PLXDC1: variants seen among roughly 807,000 people sequenced by gnomAD.
PLXDC1 encodes plexin domain-containing protein 1.
Under a neutral mutation model 61.3 loss-of-function variants are expected in PLXDC1, and 39 were observed. The observed-to-expected ratio is 0.64, with a 90% CI of 0.49 to 0.83. PLXDC1 has a LOEUF of 0.83. Ranked by LOEUF, PLXDC1 falls within the 40% of genes least tolerant of loss-of-function variation. PLXDC1 has a pLI of 0.00. For synonymous variants in PLXDC1, 212 were observed against 254.5 expected (o/e 0.83, Z 1.59); for missense variants, 596 against 666.5 (o/e 0.89, Z 1.17).
chr17:39,066,786 G>A lies in PLXDC1; in HGVS notation c.*1054C>T, dbSNP rs1252057681. 1.3e-5 allele frequency: 2 copies of A among 152,130 alleles called. No homozygotes were observed. The highest frequency in any genetic ancestry group is 2.4e-5 in the African/African-American group (1 of 41,416). 9.4% of individuals were successfully genotyped at this position (152,130 alleles called of 1,614,324 possible). A position where few individuals can be genotyped will look rare whatever the true frequency, so the allele number is the denominator to read the frequency against. ...TTTTTAGTAGAGACATTTTAATTAT[G>A]TTGGCCAGGCTGGTCTCAAACTTCT... On this transcript the variant is annotated 3_prime_UTR_variant, in exon 14 of 14. Transcript: ENST00000315392.
intron 2 of PLXDC1, among the ~76,000 whole-genome samples, chr17:39,135,835 T>C (rs1370383139): frequency 6.6e-6 from 1 of 152,142 alleles, no homozygotes; most frequent in Admixed American, 6.5e-5. Flanking sequence ...AACCAGTCCA[T>C]CCAGGGTGGA....
chr17:39,108,852 G>T (rs1910690558), intron 4 of PLXDC1, 52 bp downstream of exon 4: 5 of 1,285,236 alleles, frequency 3.9e-6, no homozygotes, highest in Admixed American at 1.8e-5. Flanking sequence ...GGGCCCCTGA[G>T]TTCGGGCTGA....
At chr17:39,129,400 C>T (rs980524496) in intron 2 of PLXDC1, among the ~76,000 whole-genome samples, 2 of 150,548 alleles carry the variant, frequency 1.3e-5, no homozygotes, top group East Asian at 2.0e-4. Flanking sequence ...GGGTGGATCA[C>T]GAGGTCAGGA....
At chr17:39,114,934 C>T (rs777296412) in intron 2 of PLXDC1, among the ~76,000 whole-genome samples, 3 of 152,340 alleles carry the variant, frequency 2.0e-5, no homozygotes, top group East Asian at 3.9e-4. Flanking sequence ...ACAGAAGCCA[C>T]GCTCTGCAGT....
rs577374713 is a variant in PLXDC1, at chr17:39,083,712, C to T, written c.908-172G>A. Among the ~76,000 whole-genome samples, 453 of 152,104 alleles carry T rather than the reference C, an allele frequency of 3.0e-3. 1 individual carries two copies. Among genetic ancestry groups the T allele is most frequent in the African/African-American group, 0.01 (433 of 41,404 alleles). On this transcript the variant is annotated intron_variant, in intron 8 of 13. Coordinates refer to ENST00000315392, the MANE Select transcript of PLXDC1 (RefSeq NM_020405.5). ...CCAGTCTAGCCCCAATTCCTAACTT[C>T]TTTTTTTAAGGGATGAGGTCTCGCT... is the stretch of plus-strand genomic sequence containing the variant.
intron 7 of PLXDC1, among the ~76,000 whole-genome samples, chr17:39,105,633 C>T (rs1054242457): frequency 6.6e-5 from 10 of 152,178 alleles, no homozygotes; most frequent in Non-Finnish European, 1.5e-4. Context: ...CCTTAACAAC[C>T]AGAGCAGTGC....
intron 2 of PLXDC1, among the ~76,000 whole-genome samples, chr17:39,129,446 GTC>G (rs1911461878): frequency 1.3e-5 from 2 of 151,242 alleles, no homozygotes; most frequent in Non-Finnish European, 2.9e-5. Flanking sequence ...GTGAAACACC[GTC>G]TCTCCTAAAA....
In PLXDC1 at chr17:39,151,094, G is replaced by A. The variant is rs1597664665; in HGVS notation, c.76+268C>T. 6.6e-6 allele frequency among the ~76,000 whole-genome samples: 1 copy of A among 152,146 alleles called. No individual in the cohort carries two copies. Among genetic ancestry groups the A allele is most frequent in the Non-Finnish European group, 1.5e-5 (1 of 68,032 alleles). ...CTTTCAGAGCCCATGGCCACATAGAGCCCCCTCTCCTAAGGTCCCTCCAGT... is the reference window on the plus strand; with the variant it reads ...CTTTCAGAGCCCATGGCCACATAGAACCCCCTCTCCTAAGGTCCCTCCAGT... On this transcript the variant is annotated intron_variant, in intron 1 of 13. Transcript: ENST00000315392. This position sits in a 1 kb window ranked among gnomAD's most constrained non-coding sequence, Gnocchi z 5.2.
chr17:39,142,452 C>A (rs981947807), intron 1 of PLXDC1, among the ~76,000 whole-genome samples: 1 of 152,228 alleles, frequency 6.6e-6, no homozygotes, highest in African/African-American at 2.4e-5. Flanking sequence ...GCCATGCGAA[C>A]CTCCATTTCT....
rs763297783 is a variant in PLXDC1 at position 39,107,507 on chromosome 17, T to C, written c.611A>G (p.Gln204Arg). ...YFDNGTVFVV[Q>R]WDHVYLQGWE... ...GCCTTGGAGATAAACGTGGTCCCAC[T>C]GAACCACAAAGACTGTCCCTGGGGA... The change falls in exon 6 of 14, where the codon CAG (glutamine) becomes CGG (arginine). Residue 204 changes from glutamine to arginine, a missense_variant. Coordinates refer to ENST00000315392, the MANE Select transcript of PLXDC1 (RefSeq NM_020405.5). The C allele has an allele frequency of 7.4e-6, 12 of 1,612,982 alleles. No homozygotes were observed. The highest frequency in any genetic ancestry group is 9.3e-6 in the Non-Finnish European group (11 of 1,179,064).
At chr17:39,108,730 G>T in intron 4 of PLXDC1, 174 bp downstream of exon 4, 1 of 620,596 alleles carries the variant, frequency 1.6e-6, no homozygotes, top group Non-Finnish European at 2.9e-6. Context: ...TAATGCAAGG[G>T]AGATGCTCTG....
chr17:39,131,370 A>G (rs745821151), intron 2 of PLXDC1, among the ~76,000 whole-genome samples: 11 of 144,078 alleles, frequency 7.6e-5, no homozygotes, highest in Non-Finnish European at 1.1e-4. Context: ...TTTTTTTTTT[A>G]GGCGACAGAA....
At chr17:39,109,001 G>A (rs200596560) in intron 3 of PLXDC1, 28 bp from the exon 4 acceptor site, 68 of 1,565,438 alleles carry the variant, frequency 4.3e-5, no homozygotes, top group Non-Finnish European at 5.7e-5. Flanking sequence ...AAGTCAGCAC[G>A]GGCCAAGCTG....
intron 8 of PLXDC1, among the ~76,000 whole-genome samples, chr17:39,086,035 A>G (rs1231073785): frequency 6.6e-6 from 1 of 152,014 alleles, no homozygotes; most frequent in Non-Finnish European, 1.5e-5. Flanking sequence ...AATGCTCACA[A>G]AATTCACCGG....
At chr17:39,080,353 G>C (rs956770531) in intron 9 of PLXDC1, 1 of 152,190 alleles carries the variant, frequency 6.6e-6, no homozygotes, top group Non-Finnish European at 1.5e-5. Context: ...ATGGGTTTAT[G>C]ACCCCCATTT....
chr17:39,069,520 T>G (rs905588454), intron 13 of PLXDC1, among the ~76,000 whole-genome samples: 3 of 152,162 alleles, frequency 2.0e-5, no homozygotes, highest in African/African-American at 7.2e-5. Context: ...CATAAATCAC[T>G]GGAGATAGGC....
At chr17:39,110,742 C>T (rs890102651) in intron 2 of PLXDC1, among the ~76,000 whole-genome samples, 24 of 152,248 alleles carry the variant, frequency 1.6e-4, no homozygotes, top group African/African-American at 5.5e-4. Flanking sequence ...CTGGGCGCAG[C>T]GTGAGCAGGG....
At position 39,063,319 on chromosome 17, in the gene PLXDC1, C is replaced by T. The variant is rs1250560650; in HGVS notation, c.*4521G>A. On this transcript the variant is annotated 3_prime_UTR_variant, in exon 14 of 14. Coordinates refer to ENST00000315392, the MANE Select transcript of PLXDC1 (RefSeq NM_020405.5). ...CCAGAAATGTGACAGCATAGACTTT[C>T]TCAGATTTATTGTATGTCCTCAGAC... 1 of 581,524 alleles carries T rather than the reference C, an allele frequency of 1.7e-6. No homozygotes were observed. Among genetic ancestry groups the T allele is most frequent in the Non-Finnish European group, 3.0e-6 (1 of 328,914 alleles). 36.0% of individuals were successfully genotyped at this position (581,524 alleles called of 1,614,324 possible).
chr17:39,146,948 ATTTTTTTT>A (rs869300584), intron 1 of PLXDC1, among the ~76,000 whole-genome samples: 2 of 74,698 alleles, frequency 2.7e-5, no homozygotes, highest in East Asian at 8.5e-4. Context: ...ACAGGAAATG[ATTTTTTTT>A]TTTTTTTTTT....
Sources: allele counts gnomAD v4.1 joint callset (sites outside exome capture counted in the v4.1 genomes callset), GRCh38; gene constraint gnomAD v4.1.1; non-coding constraint Gnocchi (gnomAD v3.1); transcripts MANE v1.5; gene names NCBI Gene and HGNC (gene_info 2026-07-23, HGNC 2026-07-21).